AUTS2: variants seen among roughly 807,000 people sequenced by gnomAD.
AUTS2 encodes autism susceptibility gene 2 protein.
AUTS2 carries 17 observed loss-of-function variants against 112.4 expected under a neutral mutation model. That is an observed-to-expected ratio of 0.15 (90% CI 0.10 to 0.23). The LOEUF is 0.23. AUTS2 is among the 10% of genes least tolerant of loss of function. AUTS2 has a pLI of 1.00. For synonymous variants in AUTS2, 751 were observed against 702.7 expected, an observed-to-expected ratio of 1.07 and a Z score of -1.09; for missense variants, 1,510 against 1,701.6, an observed-to-expected ratio of 0.89 and a Z score of 1.98.
Position 70,792,659 on chromosome 7 carries a change from A to G in AUTS2, c.*1663A>G, listed in dbSNP as rs1426507517. 6.6e-6 allele frequency: 1 copy of G among 150,726 alleles called. No individual in the cohort carries two copies. Among genetic ancestry groups the G allele is most frequent in the Non-Finnish European group, 1.5e-5 (1 of 67,866 alleles). The allele number at this position is 150,726 out of a possible 1,614,324, so 9.3% of individuals were successfully genotyped here. On this transcript the variant is annotated 3_prime_UTR_variant, in exon 19 of 19. Coordinates refer to ENST00000342771, the MANE Select transcript of AUTS2 (RefSeq NM_015570.4). Reference sequence around the variant, plus strand: ...ACAACAACTAAAAAAAATGCAAGGAATATGTACACTGGAACTGTAGTGGTA... The same window carrying G: ...ACAACAACTAAAAAAAATGCAAGGAGTATGTACACTGGAACTGTAGTGGTA...
intron 1 of AUTS2, among the ~76,000 whole-genome samples, chr7:69,876,343 AAAAAAAATATATATAT>A (rs1344133633): frequency 5.6e-4 from 45 of 80,520 alleles, no homozygotes; most frequent in African/African-American, 1.9e-3. Flanking sequence ...AAAAAAAAAA[AAAAAAAATATATATAT>A]ATATATATAT....
chr7:70,559,325 C>T (rs1235030082), intron 5 of AUTS2, among the ~76,000 whole-genome samples: 1 of 151,724 alleles, frequency 6.6e-6, no homozygotes, highest in African/African-American at 2.4e-5. Context: ...GGCTTCTACC[C>T]TTCCTTTCTT....
intron 2 of AUTS2, among the ~76,000 whole-genome samples, chr7:69,948,721 T>A (rs1796910658): frequency 6.6e-6 from 1 of 152,120 alleles, no homozygotes; most frequent in African/African-American, 2.4e-5. Context: ...TTTATATCAC[T>A]GTGGTAAGAT....
intron 1 of AUTS2, among the ~76,000 whole-genome samples, chr7:69,600,605 G>A (rs1347465075): frequency 6.6e-6 from 1 of 150,496 alleles, no homozygotes; most frequent in African/African-American, 2.4e-5. Flanking sequence ...GAGAAAGGAG[G>A]GAGGAGGGGA....
At chr7:70,709,301 T>C (rs1377551326) in intron 6 of AUTS2, among the ~76,000 whole-genome samples, 1 of 152,104 alleles carries the variant, frequency 6.6e-6, no homozygotes, top group Non-Finnish European at 1.5e-5. Context: ...GCAAGACTAT[T>C]TGTAAAGTTG....
intron 5 of AUTS2, among the ~76,000 whole-genome samples, chr7:70,564,846 T>C (rs1401133891): frequency 6.6e-6 from 1 of 152,174 alleles, no homozygotes; most frequent in Non-Finnish European, 1.5e-5. Context: ...ACGCCTGTAA[T>C]CCCAGCACTT....
At chr7:69,783,090 T>TTC in intron 1 of AUTS2, among the ~76,000 whole-genome samples, 1 of 68,424 alleles carries the variant, frequency 1.5e-5, no homozygotes, top group Admixed American at 1.5e-4. Flanking sequence ...CTGCTCATCT[T>TTC]TTTTTTTTTT....
intron 5 of AUTS2, among the ~76,000 whole-genome samples, chr7:70,672,895 C>T (rs1014663397): frequency 6.6e-6 from 1 of 152,210 alleles, no homozygotes; most frequent in African/African-American, 2.4e-5. Context: ...GCCACCATGT[C>T]CGGCCAGGAC....
intron 2 of AUTS2, among the ~76,000 whole-genome samples, chr7:69,955,083 G>A (rs1243009840): frequency 6.6e-6 from 1 of 152,184 alleles, no homozygotes; most frequent in Non-Finnish European, 1.5e-5. Flanking sequence ...CTGTCTTCAT[G>A]AATAATGAAA....
At chr7:70,081,019 CA>C (rs1803277634) in intron 2 of AUTS2, among the ~76,000 whole-genome samples, 1 of 152,036 alleles carries the variant, frequency 6.6e-6, no homozygotes, top group Admixed American at 6.6e-5. Flanking sequence ...TTTAGTTATC[CA>C]AAGCATTTAT....
intron 5 of AUTS2, among the ~76,000 whole-genome samples, chr7:70,491,589 T>TTGTGTGTGTGTGTG (rs71077660): frequency 1.2e-4 from 17 of 138,802 alleles, no homozygotes; most frequent in Admixed American, 4.4e-4. Flanking sequence ...TGTATATATA[T>TTGTGTGTGTGTGTG]TGTGTGTGTG....
intron 1 of AUTS2, among the ~76,000 whole-genome samples, chr7:69,857,241 C>T (rs1448454772): frequency 2.0e-5 from 3 of 152,124 alleles, no homozygotes; most frequent in Non-Finnish European, 4.4e-5. Context: ...TGCTCTTGTG[C>T]GCTGCATTGA....
chr7:70,185,404 G>T (rs904177812), intron 4 of AUTS2, among the ~76,000 whole-genome samples: 3 of 151,682 alleles, frequency 2.0e-5, no homozygotes, highest in Admixed American at 6.6e-5. Context: ...ACCGCACCTG[G>T]CCCCAACATT....
At chr7:70,755,242 C>T (rs1044304326) in intron 6 of AUTS2, among the ~76,000 whole-genome samples, 7 of 151,346 alleles carry the variant, frequency 4.6e-5, no homozygotes, top group South Asian at 2.1e-4. Flanking sequence ...CCAGCGTGGG[C>T]GACAGAGCAA....
At chr7:70,121,247 A>G (rs1285091220) in intron 3 of AUTS2, among the ~76,000 whole-genome samples, 1 of 152,218 alleles carries the variant, frequency 6.6e-6, no homozygotes. Flanking sequence ...TAAAACTCTT[A>G]GAAGAAAATA....
At chr7:70,605,544 C>CTTTTTTT (rs760981505) in intron 5 of AUTS2, among the ~76,000 whole-genome samples, 4 of 40,534 alleles carry the variant, frequency 9.9e-5, no homozygotes, top group African/African-American at 6.2e-4. Context: ...TTCCTTCTTT[C>CTTTTTTT]TCTTTTTTTT....
Position 70,765,304 on chromosome 7 carries a change from T to A in AUTS2, c.1468+299T>A, listed in dbSNP as rs578251067. On this transcript the variant is annotated intron_variant, in intron 8 of 18. Coordinates refer to ENST00000342771, the MANE Select transcript of AUTS2 (RefSeq NM_015570.4). ...TGAGTGGTCAGACCCAGGTAGTGTG[T>A]CCCGTGTCGTCTGGGCTCCCCTGAG... 9.9e-5 allele frequency among the ~76,000 whole-genome samples: 15 copies of A among 152,204 alleles called. No individual in the cohort carries two copies. In the South Asian group the frequency reaches 3.1e-3, roughly 32 times the overall value.
chr7:69,686,483 G>A (rs1184789243), intron 1 of AUTS2, among the ~76,000 whole-genome samples: 1 of 152,132 alleles, frequency 6.6e-6, no homozygotes, highest in Non-Finnish European at 1.5e-5. Context: ...ACTGGGTTTA[G>A]GGACCTCAAG....
At chr7:70,190,449 T>A (rs929135460) in intron 4 of AUTS2, among the ~76,000 whole-genome samples, 3 of 152,242 alleles carry the variant, frequency 2.0e-5, no homozygotes, top group African/African-American at 7.2e-5. Context: ...TGTCTATTGC[T>A]TACTCAGCTA....
Sources: allele counts gnomAD v4.1 joint callset (sites outside exome capture counted in the v4.1 genomes callset), GRCh38; gene constraint gnomAD v4.1.1; transcripts MANE v1.5; gene names NCBI Gene and HGNC (gene_info 2026-07-23, HGNC 2026-07-21).